Variants in ATP2B2 observed in about 807,000 individuals in gnomAD.
The protein encoded by ATP2B2 is ATPase plasma membrane Ca2+ transporting 2.
In ATP2B2, 15 loss-of-function variants were observed where a neutral mutation model predicts 120.0. That is an observed-to-expected ratio of 0.12 (90% CI 0.08 to 0.19). ATP2B2 has a LOEUF of 0.19. Among genes scored for constraint, ATP2B2 ranks in the 10% least tolerant of loss-of-function variants. The pLI is 1.00. For synonymous variants in ATP2B2, 694 were observed against 700.3 expected (o/e 0.99, Z 0.14); for missense variants, 1,045 against 1,719.8 (o/e 0.61, Z 6.94).
In ATP2B2 at chr3:10,402,409, C is replaced by T. The variant is rs2062253060; in HGVS notation, c.398-61G>A. 13 of 1,600,738 alleles carry T rather than the reference C, an allele frequency of 8.1e-6. No individual in the cohort carries two copies. The highest frequency in any genetic ancestry group is 2.6e-6 in the Non-Finnish European group (3 of 1,175,950). On this transcript the variant is annotated intron_variant, in intron 3 of 22. Transcript: ENST00000360273. This position sits in a 1 kb window ranked among gnomAD's most constrained non-coding sequence, Gnocchi z 4.9. Reference sequence around the variant, plus strand: ...AACCAGACAGGAGAGGCCTCATGGGCCTGGATTTACAGCTCAGCTCTGCAA... The same window carrying T: ...AACCAGACAGGAGAGGCCTCATGGGTCTGGATTTACAGCTCAGCTCTGCAA...
intron 12 of ATP2B2, among the ~76,000 whole-genome samples, chr3:10,362,283 T>A (rs2060922726): frequency 6.6e-6 from 1 of 152,198 alleles, no homozygotes; most frequent in Non-Finnish European, 1.5e-5. Context: ...GATGTCAGCA[T>A]GGACTGGCTG....
chr3:10,594,587 G>A (rs1346265688), intron 2 of ATP2B2, among the ~76,000 whole-genome samples: 1 of 140,434 alleles, frequency 7.1e-6, no homozygotes, highest in Non-Finnish European at 1.5e-5. Context: ...GGAGGGGGGA[G>A]GGATAGCATT....
chr3:10,659,131 T>G (rs1351816333), intron 1 of ATP2B2, among the ~76,000 whole-genome samples: 2 of 152,210 alleles, frequency 1.3e-5, no homozygotes, highest in Admixed American at 1.3e-4. Flanking sequence ...TTCCAGCCAC[T>G]GCAAAAACAT....
upstream of ATP2B2, among the ~76,000 whole-genome samples, chr3:10,506,937 C>T (rs558025259): frequency 5.9e-5 from 9 of 152,212 alleles, no homozygotes; most frequent in African/African-American, 9.6e-5. Context: ...AATCAGAACC[C>T]GGCCGTGCAG....
chr3:10,488,489 TC>T (rs1559402899), intron 1 of ATP2B2, among the ~76,000 whole-genome samples: 8 of 103,508 alleles, frequency 7.7e-5, no homozygotes, highest in African/African-American at 3.2e-4. Flanking sequence ...CTTCCTTCCT[TC>T]CTTCCTTCCT....
intron 1 of ATP2B2, among the ~76,000 whole-genome samples, chr3:10,641,313 T>C (rs920515447): frequency 3.3e-5 from 5 of 152,148 alleles, no homozygotes; most frequent in Non-Finnish European, 7.3e-5. Context: ...ACTCAGGCTA[T>C]CCAGGAGACA....
At position 10,669,270 on chromosome 3, in the gene ATP2B2, G is replaced by A. The variant is rs1255054619; in HGVS notation, c.-460+38645C>T. 3.3e-5 allele frequency among the ~76,000 whole-genome samples: 5 copies of A among 152,288 alleles called. No homozygotes were observed. The South Asian group carries it at 8.3e-4, about 25-fold the overall frequency. ...ATCTTTGGGGTTACAGCAAGGAAAG[G>A]CTGCAAGATTTCCCTGAGCAGGGCA... On this transcript the variant is annotated intron_variant, in intron 1 of 21. Transcript: ENST00000646379.
In ATP2B2 at chr3:10,478,297, A is replaced by T. The variant is rs559921168; in HGVS notation, c.-320+27168T>A. Among the ~76,000 whole-genome samples the T allele has an allele frequency of 2.0e-4, 30 of 152,244 alleles. No individual in the cohort carries two copies. In the South Asian group the frequency reaches 4.8e-3, roughly 24 times the overall value. Reference sequence around the variant, plus strand: ...TCTTTATCATATATGTAATTTGAAGATATTTCTTCTCATTCCATGGGTTGT... The same window carrying T: ...TCTTTATCATATATGTAATTTGAAGTTATTTCTTCTCATTCCATGGGTTGT... On this transcript the variant is annotated intron_variant, in intron 1 of 22. Transcript: ENST00000360273.
Position 10,449,472 on chromosome 3 carries a change from G to A in ATP2B2, c.72C>T (p.Phe24=), listed in dbSNP as rs560442165. The A allele has an allele frequency of 2.8e-5, 46 of 1,614,228 alleles. No homozygotes were observed. Among genetic ancestry groups the A allele is most frequent in the South Asian group, 2.7e-4 (25 of 91,084 alleles). Residue 24 remains phenylalanine (F), a synonymous_variant, in exon 2 of 23, where the codon TTC becomes TTT. Transcript: ENST00000360273. ...AGCGGAGCTCCTCCATTGTGCACCC[G>A]AACTCGCCCCCATGGCTCGACTCAT... ...QRNESSHGGE[F]GCTMEELRSL...
chr3:10,483,674 A>C (rs914759036), intron 1 of ATP2B2, among the ~76,000 whole-genome samples: 3 of 152,240 alleles, frequency 2.0e-5, no homozygotes, highest in African/African-American at 7.2e-5. Flanking sequence ...TTTCAAAACA[A>C]AGTGAGGTGG....
chr3:10,365,473 G>T (rs146070762), intron 12 of ATP2B2, among the ~76,000 whole-genome samples: 2 of 152,188 alleles, frequency 1.3e-5, no homozygotes, highest in Non-Finnish European at 2.9e-5. Flanking sequence ...TCCCCAGAGT[G>T]GGGGAGGGCA....
At chr3:10,458,353 G>A (rs2064353018) in intron 1 of ATP2B2, among the ~76,000 whole-genome samples, 1 of 152,236 alleles carries the variant, frequency 6.6e-6, no homozygotes, top group South Asian at 2.1e-4. Context: ...GCTGGGTCAA[G>A]TGATTTCTGC....
chr3:10,639,191 G>C (rs71316409), intron 1 of ATP2B2, among the ~76,000 whole-genome samples: 2,108 of 152,250 alleles, frequency 0.014, 24 homozygotes, highest in Non-Finnish European at 0.021. Flanking sequence ...CTCTCGGAAA[G>C]ACACTATTAA....
At chr3:10,598,612 G>A (rs750227514) in intron 2 of ATP2B2, among the ~76,000 whole-genome samples, 1 of 152,084 alleles carries the variant, frequency 6.6e-6, no homozygotes, top group Admixed American at 6.6e-5. Flanking sequence ...TACTCTAGAC[G>A]GCTTCTTACC....
chr3:10,352,818 C>T lies in ATP2B2; in HGVS notation c.2137-2241G>A, dbSNP rs116940180. ...CCCTGCTGTCTCCTGCCCCTGAGAACAGCAAAGAGCTGCTGTTTCCTGGGA... is the reference window on the plus strand; with the variant it reads ...CCCTGCTGTCTCCTGCCCCTGAGAATAGCAAAGAGCTGCTGTTTCCTGGGA... On this transcript the variant is annotated intron_variant, in intron 14 of 22. Coordinates refer to ENST00000360273, the MANE Select transcript of ATP2B2 (RefSeq NM_001001331.4). Among the ~76,000 whole-genome samples, 296 of 152,360 alleles carry T rather than the reference C, an allele frequency of 1.9e-3. 9 individuals carry two copies. The East Asian group carries it at 0.028, about 14-fold the overall frequency.
chr3:10,369,738 C>A (rs369273341), intron 12 of ATP2B2, among the ~76,000 whole-genome samples: 1 of 152,178 alleles, frequency 6.6e-6, no homozygotes, highest in Non-Finnish European at 1.5e-5. Context: ...AACTGAGGCA[C>A]CAAGAGGTTA....
intron 2 of ATP2B2, among the ~76,000 whole-genome samples, chr3:10,424,086 A>C (rs1575185164): frequency 6.6e-6 from 1 of 152,054 alleles, no homozygotes; most frequent in East Asian, 1.9e-4. Context: ...CATAGGCCCC[A>C]CTCGGCTGGG....
chr3:10,404,456 T>C (rs1270865760), intron 3 of ATP2B2, among the ~76,000 whole-genome samples: 1 of 152,218 alleles, frequency 6.6e-6, no homozygotes, highest in Admixed American at 6.5e-5. Context: ...TTGGTTTTTC[T>C]CATCTGCAAA....
intron 1 of ATP2B2, among the ~76,000 whole-genome samples, chr3:10,694,508 T>C (rs1297835121): frequency 6.6e-6 from 1 of 152,238 alleles, no homozygotes; most frequent in East Asian, 1.9e-4. Flanking sequence ...TATTGCTGAG[T>C]ACTGTTCCAC....
Sources: allele counts gnomAD v4.1 joint callset (sites outside exome capture counted in the v4.1 genomes callset), GRCh38; gene constraint gnomAD v4.1.1; non-coding constraint Gnocchi (gnomAD v3.1); transcripts MANE v1.5; gene names NCBI Gene and HGNC (gene_info 2026-07-23, HGNC 2026-07-21).